WDFY4: variants seen among roughly 807,000 people sequenced by gnomAD.
WDFY4 encodes WDFY family member 4.
Under a neutral mutation model 351.9 loss-of-function variants are expected in WDFY4, and 169 were observed. The ratio of observed to expected loss-of-function variants is 0.48; its 90% CI spans 0.42 to 0.55. WDFY4 has a LOEUF of 0.55. WDFY4 is among the 20% of genes least tolerant of loss of function. The pLI, the probability that WDFY4 is intolerant of heterozygous loss-of-function variation, is 0.00. For missense variants in WDFY4, 3,803 were observed against 3,935.6 expected (o/e 0.97, Z 0.90); for synonymous variants, 1,622 against 1,574.6 (o/e 1.03, Z -0.71).
In WDFY4 at chr10:48,941,880, G is replaced by A. The variant is rs1041358747; in HGVS notation, c.7629+32G>A. 5.2e-6 allele frequency: 8 copies of A among 1,550,920 alleles called. No individual in the cohort carries two copies. The Admixed American group carries it at 1.4e-4, about 27-fold the overall frequency. On this transcript the variant is annotated intron_variant, in intron 48 of 61. Coordinates refer to ENST00000325239, the MANE Select transcript of WDFY4 (RefSeq NM_001394531.1). ...TAGCTCCTCCAGAGGGAAGCCCTCT[G>A]GGAATGCAAACCAGAGAATGGCTCA...
chr10:48,916,938 T>C (rs2133544498), intron 47 of WDFY4, among the ~76,000 whole-genome samples: 1 of 152,082 alleles, frequency 6.6e-6, no homozygotes, highest in East Asian at 1.9e-4. Flanking sequence ...AATGATGTTT[T>C]GGTCAATGAC....
intron 12 of WDFY4, among the ~76,000 whole-genome samples, chr10:48,749,970 T>C (rs547049242): frequency 1.2e-4 from 18 of 152,322 alleles, no homozygotes; most frequent in Admixed American, 4.6e-4. Flanking sequence ...CTATAACTTA[T>C]AGCCCTAAGG....
intron 36 of WDFY4, among the ~76,000 whole-genome samples, chr10:48,827,958 G>A (rs924502601): frequency 7.9e-5 from 12 of 151,870 alleles, no homozygotes; most frequent in African/African-American, 2.9e-4. Context: ...GTAAAGAGGA[G>A]CAGAATGACA....
intron 38 of WDFY4, 132 bp downstream of exon 38, chr10:48,831,017 T>G: frequency 1.2e-6 from 1 of 847,654 alleles, no homozygotes; most frequent in Non-Finnish European, 1.8e-6. Flanking sequence ...TGGATGGGAT[T>G]TATATCACTG....
At chr10:48,928,375 T>TGC (rs1165838959) in intron 47 of WDFY4, among the ~76,000 whole-genome samples, 1 of 150,772 alleles carries the variant, frequency 6.6e-6, no homozygotes, top group African/African-American at 2.4e-5. Flanking sequence ...TGTGTGTGTG[T>TGC]GTGTGTGTGT....
chr10:48,796,454 A>G lies in WDFY4; in HGVS notation c.4410+4A>G. The G allele has an allele frequency of 4.5e-6, 7 of 1,550,112 alleles. No individual in the cohort carries two copies. The highest frequency in any genetic ancestry group is 6.1e-6 in the Non-Finnish European group (7 of 1,146,938). On this transcript the variant is annotated splice_donor_region_variant and intron_variant, in intron 24 of 61. Transcript: ENST00000325239. ...GCACATCCTCTGCAATTTCGAGGTA[A>G]ATCAGAGATTGGCCCTTAGTCCTTC...
intron 3 of WDFY4, among the ~76,000 whole-genome samples, chr10:48,720,768 C>T (rs2064058444): frequency 6.6e-6 from 1 of 152,206 alleles, no homozygotes; most frequent in Non-Finnish European, 1.5e-5. Context: ...GGCCAAAGTG[C>T]ATCTCTTGTG....
chr10:48,775,736 C>T lies in WDFY4; in HGVS notation c.2793C>T (p.Pro931=). The change falls in exon 15 of 62, where the codon CCC becomes CCT. Residue 931 remains proline (P), a synonymous_variant. Transcript: ENST00000325239. ...GACAGTTTCTAGGTCTTGGAATTCC[C>T]TCATCTCTGTCGGCCACAACAAAAA... ...VLRQFLGLGI[P]SSLSATTKIL... The T allele has an allele frequency of 6.4e-7, 1 of 1,551,678 alleles. No individual in the cohort carries two copies. Among genetic ancestry groups the T allele is most frequent in the Non-Finnish European group, 8.7e-7 (1 of 1,146,990 alleles).
At chr10:48,861,058 G>T (rs902233520) in intron 39 of WDFY4, among the ~76,000 whole-genome samples, 9 of 152,120 alleles carry the variant, frequency 5.9e-5, no homozygotes, top group Non-Finnish European at 1.0e-4. Flanking sequence ...TTTATTTATT[G>T]TGTTTTGAGT....
intron 40 of WDFY4, among the ~76,000 whole-genome samples, chr10:48,871,557 C>A (rs12262698): frequency 0.024 from 3,667 of 151,028 alleles, 151 homozygotes; most frequent in African/African-American, 0.084. Context: ...CCCACAGAAG[C>A]CTTGAACTCC....
intron 4 of WDFY4, 150 bp from the exon 5 acceptor site, chr10:48,723,283 T>C (rs1469105873): frequency 5.2e-6 from 5 of 968,760 alleles, no homozygotes; most frequent in Middle Eastern, 3.3e-4. Context: ...GTGCATCCTC[T>C]GGTTGTCAGC....
chr10:48,918,227 C>A (rs1838728991), intron 47 of WDFY4, among the ~76,000 whole-genome samples: 1 of 152,136 alleles, frequency 6.6e-6, no homozygotes, highest in South Asian at 2.1e-4. Flanking sequence ...GAAACTCAAA[C>A]ATAGCAATAC....
At chr10:48,758,395 T>G (rs2065398943) in intron 12 of WDFY4, among the ~76,000 whole-genome samples, 1 of 152,114 alleles carries the variant, frequency 6.6e-6, no homozygotes, top group Non-Finnish European at 1.5e-5. Context: ...TGGGCATAAT[T>G]TTTTTTGTTT....
At chr10:48,943,600 T>C (rs1840895687) in intron 49 of WDFY4, among the ~76,000 whole-genome samples, 151 bp downstream of exon 49, 2 of 149,384 alleles carry the variant, frequency 1.3e-5, no homozygotes, top group Admixed American at 1.3e-4. Context: ...TCAGATCTCT[T>C]TTTTTTTTTT....
rs763023223 is a variant in WDFY4, at chr10:48,776,957, A to C, written c.3071A>C (p.Glu1024Ala). The C allele has an allele frequency of 6.3e-5, 98 of 1,552,242 alleles. 1 individual carries two copies. Among genetic ancestry groups the C allele is most frequent in the South Asian group, 1.9e-4 (16 of 84,048 alleles). ...QRAALAPSFV[E>A]FDMSVEGYGC... is the part of the protein sequence containing the mutation. ...GCAGCCCTGGCCCCATCGTTTGTGG[A>C]ATTTGACATGTCCGTGGAAGGTTAT... Residue 1024 changes from glutamate to alanine, a missense_variant, in exon 16 of 62, where the codon GAA becomes GCA. Transcript: ENST00000325239.
chr10:48,918,935 T>G (rs1428521689), intron 47 of WDFY4, among the ~76,000 whole-genome samples: 1 of 152,202 alleles, frequency 6.6e-6, no homozygotes, highest in East Asian at 1.9e-4. Flanking sequence ...AGATGAGAAC[T>G]GCTAGTATAG....
At chr10:48,927,327 C>A (rs540042666) in intron 47 of WDFY4, among the ~76,000 whole-genome samples, 1 of 152,104 alleles carries the variant, frequency 6.6e-6, no homozygotes, top group African/African-American at 2.4e-5. Flanking sequence ...TTCAGTCATC[C>A]GCAACACTCT....
At chr10:48,977,823 A>G (rs559059596) in intron 59 of WDFY4, among the ~76,000 whole-genome samples, 1 of 152,304 alleles carries the variant, frequency 6.6e-6, no homozygotes, top group South Asian at 2.1e-4. Context: ...CCCTTTGGTG[A>G]TATAAAATCC....
intron 12 of WDFY4, among the ~76,000 whole-genome samples, chr10:48,744,367 G>A (rs963557407): frequency 1.7e-4 from 26 of 152,196 alleles, no homozygotes; most frequent in African/African-American, 6.0e-4. Flanking sequence ...GTAGAGAGAA[G>A]GATGCATGTT....
Sources: gnomAD v4.1 joint callset for allele counts (sites outside exome capture counted in the v4.1 genomes callset) on GRCh38, gnomAD v4.1.1 for gene constraint, MANE v1.5 for transcripts, NCBI Gene and HGNC (gene_info 2026-07-23, HGNC 2026-07-21) for gene names.